PARP14: variants seen among roughly 807,000 people sequenced by gnomAD.
PARP14 encodes the protein protein mono-ADP-ribosyltransferase PARP14.
In PARP14, 59 loss-of-function variants were observed where a neutral mutation model predicts 154.2. The observed-to-expected ratio is 0.38, with a 90% CI of 0.31 to 0.48. PARP14 has a LOEUF of 0.48. Ranked by LOEUF, PARP14 falls within the 20% of genes least tolerant of loss-of-function variation. The pLI, the probability that PARP14 is intolerant of heterozygous loss-of-function variation, is 0.98. For synonymous variants in PARP14, 720 were observed against 780.5 expected (o/e 0.92, Z 1.29); for missense variants, 1,734 against 2,131.6 (o/e 0.81, Z 3.67).
chr3:122,687,344 C>T (rs1289831089), intron 3 of PARP14, among the ~76,000 whole-genome samples: 1 of 152,220 alleles, frequency 6.6e-6, no homozygotes, highest in Non-Finnish European at 1.5e-5. Flanking sequence ...GACTGGAAGA[C>T]ACCTTGCAAT....
At chr3:122,719,409 T>C (rs992488877) in intron 14 of PARP14, among the ~76,000 whole-genome samples, 5 of 152,122 alleles carry the variant, frequency 3.3e-5, no homozygotes, top group African/African-American at 9.7e-5. Flanking sequence ...CCAGGGAGGA[T>C]CGGGAGCCTG....
intron 5 of PARP14, 91 bp from the exon 6 acceptor site, chr3:122,699,299 T>A: frequency 1.5e-6 from 1 of 678,082 alleles, no homozygotes; most frequent in Non-Finnish European, 2.3e-6. Context: ...AACATTAGAT[T>A]TTTTTTTCTC....
intron 15 of PARP14, chr3:122,722,729 T>C (rs1268301998): frequency 6.6e-6 from 1 of 152,158 alleles, no homozygotes; most frequent in Non-Finnish European, 1.5e-5. Context: ...TCCATAAGCC[T>C]TCCACTTAGA....
chr3:122,724,472 T>C (rs1172724516), intron 15 of PARP14, among the ~76,000 whole-genome samples: 1 of 147,532 alleles, frequency 6.8e-6, no homozygotes, highest in African/African-American at 2.5e-5. Context: ...TTTTTTTTTT[T>C]TTTTTTTTTT....
intron 8 of PARP14, among the ~76,000 whole-genome samples, chr3:122,707,593 G>A (rs115495400): frequency 1.6e-3 from 242 of 152,034 alleles, no homozygotes; most frequent in African/African-American, 5.6e-3. Flanking sequence ...AGCAACATAG[G>A]GAGATCCTGT....
At chr3:122,705,625 T>C (rs1576592154) in intron 8 of PARP14, among the ~76,000 whole-genome samples, 1 of 152,190 alleles carries the variant, frequency 6.6e-6, no homozygotes, top group East Asian at 1.9e-4. Flanking sequence ...CTTAATCAAA[T>C]AAAGTAGATG....
rs750283546 is a variant in PARP14 at position 122,701,294 on chromosome 3, C to G, written c.2740C>G (p.Arg914Gly). The stretch of plus-strand genomic sequence containing the variant: ...CTGTCTAGCCGAAAAATACAAGTAC[C>G]GATCCATAGCCATCCCAGCTATTAG... Reference protein sequence around the residue: ...SLCLAEKYKYRSIAIPAISSG... With the variant: ...SLCLAEKYKYGSIAIPAISSG... The change falls in exon 6 of 17, where the codon CGA (arginine) becomes GGA (glycine). Residue 914 changes from arginine to glycine, a missense_variant. This residue lies in a region of PARP14 where 1,646 missense variants were observed against 1,976.0 expected (regional missense o/e 0.83). Coordinates refer to ENST00000474629, the MANE Select transcript of PARP14 (RefSeq NM_017554.3). The surrounding 1 kb of genome is among the most constrained non-coding windows in gnomAD (Gnocchi z 4.0). 17 of 1,613,932 alleles carry G rather than the reference C, an allele frequency of 1.1e-5. No homozygotes were observed. Among genetic ancestry groups the G allele is most frequent in the Non-Finnish European group, 1.4e-5 (17 of 1,179,818 alleles).
chr3:122,723,392 T>A lies in PARP14; in HGVS notation c.4941+3004T>A, dbSNP rs868030589. On this transcript the variant is annotated intron_variant, in intron 15 of 16. Transcript: ENST00000474629. The stretch of plus-strand genomic sequence containing the variant: ...TACTCTTGCATTTAAAAAATTATTT[T>A]TCATGACATGAATTTTTTTAGAGTT... 2.0e-5 allele frequency among the ~76,000 whole-genome samples: 3 copies of A among 152,248 alleles called. No homozygotes were observed. The South Asian group carries it at 6.2e-4, about 31-fold the overall frequency.
Position 122,681,099 on chromosome 3 carries a change from G to A in PARP14, c.187+29G>A. On this transcript the variant is annotated intron_variant, in intron 1 of 16. Transcript: ENST00000474629. This position sits in a 1 kb window ranked among gnomAD's most constrained non-coding sequence, Gnocchi z 5.5. ...AGGGGCGCGAGGGGTGGGGTGAGGA[G>A]GGGGCACCTCTGCCCTCCCTCCAGG... 4 of 1,560,662 alleles carry A rather than the reference G, an allele frequency of 2.6e-6. No individual in the cohort carries two copies. The highest frequency in any genetic ancestry group is 3.5e-6 in the Non-Finnish European group (4 of 1,133,286).
At chr3:122,728,258 C>A in intron 16 of PARP14, 50 bp from the exon 17 acceptor site, 1 of 1,506,050 alleles carries the variant, frequency 6.6e-7, no homozygotes, top group Non-Finnish European at 9.1e-7. Context: ...GCCAACATAT[C>A]AAATTTTACA....
chr3:122,705,309 T>C (rs1939118622), intron 8 of PARP14, among the ~76,000 whole-genome samples: 1 of 152,230 alleles, frequency 6.6e-6, no homozygotes, highest in Admixed American at 6.5e-5. Flanking sequence ...TGAATCAGAA[T>C]CCAAATAAGG....
At position 122,718,561 on chromosome 3, in the gene PARP14, G is replaced by T; in HGVS notation, c.4410G>T (p.Lys1470Asn). The change falls in exon 14 of 17, where the codon AAG becomes AAT. Residue 1470 changes from lysine (K) to asparagine (N), a missense_variant. Physicochemically the swap from Lys to Asn is moderately conservative, Grantham distance 94 (BLOSUM62 0). This residue lies in a region of PARP14 where 1,646 missense variants were observed against 1,976.0 expected (regional missense o/e 0.83). Transcript: ENST00000474629. Reference sequence around the variant, plus strand: ...AGTGCATCAAAGACTTTGATGAAAAGGAGTATCAGGAGTTGAATGAGCTGC... The same window carrying T: ...AGTGCATCAAAGACTTTGATGAAAATGAGTATCAGGAGTTGAATGAGCTGC... ...EDECIKDFDEKEYQELNELQK... is the reference protein window; with the variant it reads ...EDECIKDFDENEYQELNELQK... 6.2e-7 allele frequency: 1 copy of T among 1,613,878 alleles called. No homozygotes were observed. Among genetic ancestry groups the T allele is most frequent in the Non-Finnish European group, 8.5e-7 (1 of 1,179,818 alleles).
intron 15 of PARP14, among the ~76,000 whole-genome samples, chr3:122,725,036 CTA>C (rs947813116): frequency 2.6e-5 from 4 of 152,172 alleles, no homozygotes; most frequent in Non-Finnish European, 5.9e-5. Flanking sequence ...ATGGAGTCTC[CTA>C]TGTCTACTTC....
At chr3:122,705,395 G>A (rs955419282) in intron 8 of PARP14, among the ~76,000 whole-genome samples, 2 of 152,138 alleles carry the variant, frequency 1.3e-5, no homozygotes, top group Non-Finnish European at 2.9e-5. Flanking sequence ...TAGTATAAAA[G>A]CACAGTCTGG....
intron 12 of PARP14, among the ~76,000 whole-genome samples, chr3:122,715,654 C>T (rs1005778504): frequency 2.8e-5 from 4 of 140,772 alleles, no homozygotes; most frequent in Non-Finnish European, 6.3e-5. Flanking sequence ...ATCTATCTAT[C>T]GATCTGTCTA....
chr3:122,688,649 T>C lies in PARP14; in HGVS notation c.355+1536T>C, dbSNP rs544708247. On this transcript the variant is annotated intron_variant, in intron 3 of 16. Coordinates refer to ENST00000474629, the MANE Select transcript of PARP14 (RefSeq NM_017554.3). ...CTAAGGCTGGGACTCTTGAAATTAATTGGAATGGGGTAGACAGTTTCAGAA... is the reference window on the plus strand; with the variant it reads ...CTAAGGCTGGGACTCTTGAAATTAACTGGAATGGGGTAGACAGTTTCAGAA... 2.0e-5 allele frequency among the ~76,000 whole-genome samples: 3 copies of C among 152,246 alleles called. No individual in the cohort carries two copies. In the South Asian group the frequency reaches 6.2e-4, roughly 32 times the overall value.
intron 2 of PARP14, among the ~76,000 whole-genome samples, chr3:122,686,257 G>T (rs1938369748): frequency 1.3e-5 from 2 of 151,938 alleles, no homozygotes; most frequent in South Asian, 4.2e-4. Flanking sequence ...GGGCTTAGGT[G>T]ATCCTCCTAC....
Position 122,728,507 on chromosome 3 carries a change from T to A in PARP14, c.5316T>A (p.Thr1772=). Residue 1772 remains threonine (T), a synonymous_variant, in exon 17 of 17, where the codon ACT becomes ACA. Transcript: ENST00000474629. ...AAAATCCTACTGACCTGTATGACAC[T>A]GTCACAGATAATGTGCACCATCCAA... ...NPQNPTDLYD[T]VTDNVHHPSL... 1 of 1,613,554 alleles carries A rather than the reference T, an allele frequency of 6.2e-7. No individual in the cohort carries two copies. Among genetic ancestry groups the A allele is most frequent in the East Asian group, 2.2e-5 (1 of 44,874 alleles).
intron 15 of PARP14, among the ~76,000 whole-genome samples, chr3:122,725,869 T>C (rs1423065898): frequency 4.6e-5 from 7 of 152,298 alleles, no homozygotes; most frequent in African/African-American, 7.2e-5. Context: ...TTTTATCTTT[T>C]CCTGGTTTCT....
Sources: gnomAD v4.1 joint callset for allele counts (sites outside exome capture counted in the v4.1 genomes callset) on GRCh38, gnomAD v4.1.1 for gene constraint, gnomAD v4.1.1 regional missense constraint, Gnocchi (gnomAD v3.1) non-coding constraint, MANE v1.5 for transcripts, NCBI Gene and HGNC (gene_info 2026-07-23, HGNC 2026-07-21) for gene names.